TRIM71: variants seen among roughly 807,000 people sequenced by gnomAD.
TRIM71 encodes the protein tripartite motif containing 71.
A neutral mutation model predicts 61.2 loss-of-function variants in TRIM71; 9 were observed. The ratio of observed to expected loss-of-function variants is 0.15; its 90% confidence interval spans 0.09 to 0.26. TRIM71 has a LOEUF of 0.26. Among genes scored for constraint, TRIM71 ranks in the 10% least tolerant of loss-of-function variants. TRIM71 has a pLI of 1.00. For missense variants in TRIM71, 998 were observed against 1,238.7 expected, an observed-to-expected ratio of 0.81 and a Z score of 2.92; for synonymous variants, 645 against 553.2, an observed-to-expected ratio of 1.17 and a Z score of -2.33.
intron 2 of TRIM71, among the ~76,000 whole-genome samples, chr3:32,884,850 C>T (rs1696943970): frequency 6.6e-6 from 1 of 152,180 alleles, no homozygotes; most frequent in Non-Finnish European, 1.5e-5. Flanking sequence ...CAGTGTTTTA[C>T]TCTGTGCCAG....
intron 2 of TRIM71, among the ~76,000 whole-genome samples, chr3:32,877,854 T>C (rs1160424361): frequency 6.6e-6 from 1 of 152,174 alleles, no homozygotes; most frequent in Non-Finnish European, 1.5e-5. Context: ...GACCTTGAGT[T>C]CACCCATTAG....
chr3:32,835,618 G>A (rs1217721046), intron 1 of TRIM71, among the ~76,000 whole-genome samples: 1 of 152,198 alleles, frequency 6.6e-6, no homozygotes, highest in Non-Finnish European at 1.5e-5. Flanking sequence ...TTATGCCTGT[G>A]AGTATAATAT....
At chr3:32,856,239 G>C (rs1424166668) in intron 1 of TRIM71, among the ~76,000 whole-genome samples, 1 of 152,038 alleles carries the variant, frequency 6.6e-6, no homozygotes, top group African/African-American at 2.4e-5. Flanking sequence ...GGATGGTCTC[G>C]ATCTCCTGAC....
intron 2 of TRIM71, among the ~76,000 whole-genome samples, chr3:32,881,381 G>A (rs1200400452): frequency 6.6e-6 from 1 of 152,174 alleles, no homozygotes; most frequent in African/African-American, 2.4e-5. Context: ...GCCTACAAGT[G>A]TATGGGTGAT....
chr3:32,829,537 G>GT (rs918705607), intron 1 of TRIM71, among the ~76,000 whole-genome samples: 4 of 152,110 alleles, frequency 2.6e-5, no homozygotes, highest in Non-Finnish European at 4.4e-5. Flanking sequence ...AAGGGAAACT[G>GT]TGGCATATCA....
chr3:32,821,094 C>T (rs1309710603), intron 1 of TRIM71, among the ~76,000 whole-genome samples: 2 of 152,170 alleles, frequency 1.3e-5, no homozygotes, highest in African/African-American at 4.8e-5. Flanking sequence ...ACGGTTCCAC[C>T]TACAGCTTAA....
intron 1 of TRIM71, among the ~76,000 whole-genome samples, chr3:32,846,200 T>C (rs1011861970): frequency 1.3e-5 from 2 of 150,986 alleles, no homozygotes; most frequent in Non-Finnish European, 1.5e-5. Flanking sequence ...CTCAGCCTCC[T>C]GAGTAGCTGG....
intron 1 of TRIM71, among the ~76,000 whole-genome samples, chr3:32,870,439 G>A (rs1026281669): frequency 2.0e-5 from 3 of 152,092 alleles, no homozygotes; most frequent in African/African-American, 7.2e-5. Context: ...ACCACAGTGT[G>A]TTCTGGGTAC....
intron 1 of TRIM71, among the ~76,000 whole-genome samples, chr3:32,852,141 C>G (rs1696545122): frequency 6.6e-6 from 1 of 152,184 alleles, no homozygotes; most frequent in African/African-American, 2.4e-5. Flanking sequence ...TTGGACCAAA[C>G]TGGTCACAGA....
intron 1 of TRIM71, among the ~76,000 whole-genome samples, chr3:32,828,502 C>CTTTTTTTTTTTTTTTTTTTTTTTTTTTTT (rs67014189): frequency 1.1e-5 from 1 of 93,248 alleles, no homozygotes; most frequent in Non-Finnish European, 2.0e-5. Flanking sequence ...CAATTGTAAA[C>CTTTTTTTTTTTTTTTTTTTTTTTTTTTTT]TTTTTTTTTT....
At position 32,893,593 on chromosome 3, in the gene TRIM71, T is replaced by G. The variant is rs1697049682; in HGVS notation, c.*1782T>G. ...CAAGGGAGACCTCTTGTTTAAAGAC[T>G]TATGGATCAACTTCTGTTCCTCTGT... On this transcript the variant is annotated 3_prime_UTR_variant, in exon 4 of 4. Transcript: ENST00000383763. 6.6e-6 allele frequency: 1 copy of G among 152,174 alleles called. No individual in the cohort carries two copies. Among genetic ancestry groups the G allele is most frequent in the African/African-American group, 2.4e-5 (1 of 41,446 alleles). The allele number at this position is 152,174 out of a possible 1,614,324, so 9.4% of individuals were successfully genotyped here.
chr3:32,874,606 T>C (rs918382992), intron 2 of TRIM71, among the ~76,000 whole-genome samples: 1 of 152,046 alleles, frequency 6.6e-6, no homozygotes, highest in Non-Finnish European at 1.5e-5. Flanking sequence ...CACTGCAAGC[T>C]CCGCCTCCCA....
intron 1 of TRIM71, among the ~76,000 whole-genome samples, chr3:32,856,897 C>CTCTT (rs1042502840): frequency 2.3e-4 from 35 of 152,312 alleles, no homozygotes; most frequent in African/African-American, 7.7e-4. Context: ...CATGTACTCT[C>CTCTT]AGGATGAATT....
intron 1 of TRIM71, among the ~76,000 whole-genome samples, chr3:32,821,510 C>T (rs1276764446): frequency 2.0e-5 from 3 of 152,110 alleles, no homozygotes; most frequent in African/African-American, 4.8e-5. Context: ...TAAGGTGTCT[C>T]GTCTGAGCAA....
chr3:32,819,642 TCTC>T (rs774814200), intron 1 of TRIM71, among the ~76,000 whole-genome samples: 1 of 152,096 alleles, frequency 6.6e-6, no homozygotes, highest in Non-Finnish European at 1.5e-5. Flanking sequence ...GCCCCTGAAT[TCTC>T]CTAGCGTGAA....
intron 1 of TRIM71, among the ~76,000 whole-genome samples, chr3:32,845,665 C>G (rs1389109811): frequency 6.6e-6 from 1 of 151,754 alleles, no homozygotes; most frequent in Non-Finnish European, 1.5e-5. Context: ...GCCTTGGGAT[C>G]TTTCATGAGG....
At chr3:32,874,137 T>A in intron 2 of TRIM71, 152 bp downstream of exon 2, 1 of 766,466 alleles carries the variant, frequency 1.3e-6, no homozygotes, top group Non-Finnish European at 2.0e-6. Context: ...AGCGGTCCCT[T>A]TAGGGGTTCT....
intron 1 of TRIM71, among the ~76,000 whole-genome samples, chr3:32,828,466 A>G (rs574556910): frequency 9.5e-4 from 143 of 151,082 alleles, no homozygotes; most frequent in Non-Finnish European, 1.6e-3. Flanking sequence ...ATAAAGTCTC[A>G]TAGCACAGTG....
intron 1 of TRIM71, among the ~76,000 whole-genome samples, chr3:32,835,124 T>C (rs1390846328): frequency 1.3e-5 from 2 of 151,666 alleles, no homozygotes; most frequent in African/African-American, 4.9e-5. Context: ...GAGAAGGAGG[T>C]GATGTTAAGC....
Sources: gnomAD v4.1 joint callset for allele counts (sites outside exome capture counted in the v4.1 genomes callset) on GRCh38, gnomAD v4.1.1 for gene constraint, MANE v1.5 for transcripts, NCBI Gene and HGNC (gene_info 2026-07-23, HGNC 2026-07-21) for gene names.